The following NBPF11 variants were observed in gnomAD, a reference collection of about 807,000 sequenced individuals.
NBPF11 encodes NBPF member 11, also known as NBPF family member NBPF11.
A neutral mutation model predicts 93.9 loss-of-function variants in NBPF11; 72 were observed. The observed-to-expected ratio is 0.77, with a 90% confidence interval of 0.63 to 0.93. The LOEUF is 0.93. Ranked by LOEUF, NBPF11 falls within the 40% of genes least tolerant of loss-of-function variation. NBPF11 has a pLI of 0.00. For missense variants in NBPF11, 705 were observed against 802.2 expected (o/e 0.88, Z 1.46); for synonymous variants, 224 against 304.9 (o/e 0.73, Z 2.76).
At chr1:148,129,366 A>T (rs1461815378) in intron 4 of NBPF11, 5 of 150,456 alleles carry the variant, frequency 3.3e-5, no homozygotes, top group Admixed American at 6.6e-5. Context: ...CTGCACAGCT[A>T]GCAGAGTCGT....
Position 148,116,697 on chromosome 1 carries a change from G to T in NBPF11, c.1307-162C>A, listed in dbSNP as rs1397544319. Among the ~76,000 whole-genome samples the T allele has an allele frequency of 7.4e-3, 1,114 of 151,494 alleles. 34 individuals are homozygous for T. The East Asian group carries it at 0.12, about 16-fold the overall frequency. On this transcript the variant is annotated intron_variant, in intron 12 of 23. Coordinates refer to ENST00000682118, the MANE Select transcript of NBPF11 (RefSeq NM_001385469.3). ...ACAGAATGCCCTGGCATGGTTTCCT[G>T]GTCCATCAGGCAATGCATTTCTGAT...
intron 16 of NBPF11, among the ~76,000 whole-genome samples, chr1:148,109,892 AC>A (rs1664828127): frequency 7.1e-6 from 1 of 140,494 alleles, no homozygotes; most frequent in South Asian, 2.4e-4. Flanking sequence ...CTTAGAAGAC[AC>A]AGAAAATGGG....
At chr1:148,151,475 C>T (rs1449752168) in intron 1 of NBPF11, among the ~76,000 whole-genome samples, 15 of 152,054 alleles carry the variant, frequency 9.9e-5, no homozygotes, top group African/African-American at 2.9e-4. Flanking sequence ...GAAGCTGCTC[C>T]GTCCCTCCAC....
At chr1:148,117,525 C>T (rs1448167289) in intron 12 of NBPF11, 47 bp downstream of exon 12, 2 of 641,182 alleles carry the variant, frequency 3.1e-6, no homozygotes, top group African/African-American at 1.9e-5. Context: ...TCTGGAGCCT[C>T]TCATAAGCCT....
At chr1:148,122,364 G>T in intron 8 of NBPF11, 98 bp from the exon 9 acceptor site, 1 of 1,585,084 alleles carries the variant, frequency 6.3e-7, no homozygotes, top group Non-Finnish European at 8.7e-7. Context: ...CATTAAGAGA[G>T]TGGTCCCAGA....
chr1:148,122,284 A>T lies in NBPF11; in HGVS notation c.567-18T>A. 20 of 1,609,472 alleles carry T rather than the reference A, an allele frequency of 1.2e-5. No homozygotes were observed. Among genetic ancestry groups the T allele is most frequent in the Non-Finnish European group, 1.6e-5 (19 of 1,177,674 alleles). ...GCACCTCCCTGATGAGCCAGGTGGG[A>T]CAGAGATGACAGAAGATTAAACACA... On this transcript the variant is annotated intron_variant, in intron 8 of 23. Coordinates refer to ENST00000682118, the MANE Select transcript of NBPF11 (RefSeq NM_001385469.3).
chr1:148,139,886 C>T (rs1309634598), intron 2 of NBPF11, among the ~76,000 whole-genome samples: 3 of 149,180 alleles, frequency 2.0e-5, no homozygotes, highest in Non-Finnish European at 4.5e-5. Context: ...GGTAGCCTGG[C>T]TAGAACATTA....
intron 4 of NBPF11, 61 bp downstream of exon 4, chr1:148,135,611 T>G: frequency 1.8e-6 from 1 of 551,212 alleles, no homozygotes. Flanking sequence ...AGGACACATC[T>G]CTGCCCTGGA....
intron 1 of NBPF11, among the ~76,000 whole-genome samples, chr1:148,150,729 T>C (rs1285022997): frequency 2.5e-5 from 2 of 79,822 alleles, no homozygotes; most frequent in Non-Finnish European, 5.2e-5. Context: ...AAGAAAAGGC[T>C]TTTTTTTTTT....
At position 148,115,805 on chromosome 1, in the gene NBPF11, G is replaced by A; in HGVS notation, c.1573C>T (p.His525Tyr). 2 of 1,581,220 alleles carry A rather than the reference G, an allele frequency of 1.3e-6. No individual in the cohort carries two copies. Among genetic ancestry groups the A allele is most frequent in the East Asian group, 2.3e-5 (1 of 43,882 alleles). ...SSHVEWEDAVHIIPENESDDE... is the reference protein window; with the variant it reads ...SSHVEWEDAVYIIPENESDDE... ...AAACAGAGGCTACCTGGGATAATGT[G>A]TACAGCATCCTCCCATTCAACATGA... Residue 525 changes from histidine (H) to tyrosine (Y), a missense_variant, in exon 14 of 24, where the codon CAC becomes TAC. Transcript: ENST00000682118.
rs55994625 is a variant in NBPF11 at position 148,149,788 on chromosome 1, TAAA to T, written c.-549+1959_-549+1961del. The stretch of plus-strand genomic sequence containing the variant: ...AAAACGGAAATTAAAGATTTAAAAT[TAAA>T]AAAAAAAAAAAGATTTAACAGGCAC... On this transcript the variant is annotated intron_variant, in intron 1 of 23. Transcript: ENST00000682118. Among the ~76,000 whole-genome samples, 82 of 136,638 alleles carry T rather than the reference TAAA, an allele frequency of 6.0e-4. 2 individuals carry two copies. The highest frequency in any genetic ancestry group is 2.2e-3 in the African/African-American group (82 of 37,208). The allele number at this position is 136,638 out of a possible 152,430, so 89.6% of individuals were successfully genotyped here.
At chr1:148,130,795 T>C (rs1387002552) in intron 4 of NBPF11, among the ~76,000 whole-genome samples, 1 of 151,892 alleles carries the variant, frequency 6.6e-6, no homozygotes, top group Non-Finnish European at 1.5e-5. Flanking sequence ...CCCTTTGCAG[T>C]TCATCAGCCT....
intron 3 of NBPF11, among the ~76,000 whole-genome samples, chr1:148,136,173 C>T (rs1267963030): frequency 6.6e-6 from 1 of 151,976 alleles, no homozygotes; most frequent in African/African-American, 2.4e-5. Flanking sequence ...CTGGCATATT[C>T]TTACAGAACT....
At chr1:148,125,477 A>G (rs1349816982) in intron 5 of NBPF11, among the ~76,000 whole-genome samples, 3 of 152,070 alleles carry the variant, frequency 2.0e-5, no homozygotes, top group Non-Finnish European at 2.9e-5. Context: ...TTTTAAATCA[A>G]TATTCAGATA....
rs1369176221 is a variant in NBPF11 at position 148,130,888 on chromosome 1, G to A, written c.-35-3850C>T. On this transcript the variant is annotated intron_variant, in intron 4 of 23. Transcript: ENST00000682118. ...ATTTTCTATAAATGAAATGATACCT[G>A]TGTTCTTTTGTGTCTGCCTTCTTTC... Among the ~76,000 whole-genome samples the A allele has an allele frequency of 5.3e-5, 8 of 151,830 alleles. 1 individual carries two copies. Among genetic ancestry groups the A allele is most frequent in the Admixed American group, 1.3e-4 (2 of 15,250 alleles).
chr1:148,146,646 C>A (rs1412522152), intron 1 of NBPF11: 1 of 1,611,474 alleles, frequency 6.2e-7, no homozygotes, highest in Admixed American at 1.7e-5. Flanking sequence ...GCGAGCTGGA[C>A]ACCATCGAGG....
In NBPF11 at chr1:148,122,115, G is replaced by T; in HGVS notation, c.718C>A (p.Leu240Met). 2 of 1,613,466 alleles carry T rather than the reference G, an allele frequency of 1.2e-6. No individual in the cohort carries two copies. Among genetic ancestry groups the T allele is most frequent in the Non-Finnish European group, 1.7e-6 (2 of 1,179,590 alleles). The change falls in exon 9 of 24, where the codon CTG (leucine) becomes ATG (methionine). Residue 240 changes from leucine to methionine, a missense_variant. Coordinates refer to ENST00000682118, the MANE Select transcript of NBPF11 (RefSeq NM_001385469.3). Reference sequence around the variant, plus strand: ...TGAGAGGATTCTCTGTCTACAACCAGAGATGAGTTGACTTTGTCTTCCTCA... The same window carrying T: ...TGAGAGGATTCTCTGTCTACAACCATAGATGAGTTGACTTTGTCTTCCTCA... ...TFEEDKVNSS[L>M]VVDRESSHDG...
intron 4 of NBPF11, among the ~76,000 whole-genome samples, chr1:148,128,977 C>T (rs1305404289): frequency 2.0e-5 from 3 of 147,930 alleles, no homozygotes; most frequent in South Asian, 2.1e-4. Context: ...GGGCGGGGAA[C>T]ATCACACACC....
rs1231231361 is a variant in NBPF11, at chr1:148,122,790, C to T, written c.505G>A (p.Asp169Asn). The T allele has an allele frequency of 4.2e-5, 68 of 1,609,850 alleles. No homozygotes were observed. The highest frequency in any genetic ancestry group is 5.4e-5 in the Non-Finnish European group (64 of 1,177,828). The change falls in exon 8 of 24, where the codon GAT becomes AAT. Residue 169 changes from aspartate to asparagine, a missense_variant. Transcript: ENST00000682118. ...VQKLSPENDE[D>N]EDEDVQVEED... ...TCAACTTGAACATCTTCATCCTCAT[C>T]TTCGTCATTTTCTATAAATACAAAA...
Sources: allele counts gnomAD v4.1 joint callset (sites outside exome capture counted in the v4.1 genomes callset), GRCh38; gene constraint gnomAD v4.1.1; transcripts MANE v1.5; gene names NCBI Gene and HGNC (gene_info 2026-07-23, HGNC 2026-07-21).